Variants in PLCB4 observed in about 807,000 individuals in gnomAD.
The protein encoded by PLCB4 is 1-phosphatidylinositol 4,5-bisphosphate phosphodiesterase beta-4.
In PLCB4, 77 loss-of-function variants were observed where a neutral mutation model predicts 178.8. The observed-to-expected ratio is 0.43, with a 90% CI of 0.36 to 0.52. PLCB4 has a LOEUF of 0.52. PLCB4 is among the 20% of genes least tolerant of loss of function. The probability of loss-of-function intolerance (pLI) is 0.00; values close to 1 mark genes in which losing one functional copy is unlikely to be tolerated. For missense variants in PLCB4, 1,024 were observed against 1,453.4 expected (o/e 0.70, Z 4.80); for synonymous variants, 496 against 490.8 (o/e 1.01, Z -0.14).
At position 9,444,200 on chromosome 20, in the gene PLCB4, A is replaced by G; in HGVS notation, c.2837A>G (p.Lys946Arg). 1 of 1,605,240 alleles carries G rather than the reference A, an allele frequency of 6.2e-7. No homozygotes were observed. The highest frequency in any genetic ancestry group is 8.5e-7 in the Non-Finnish European group (1 of 1,172,854). ...AAGGCTTACTTGAAGCATTTAAAGAAACAGCAGAAGGAGCTAAATTCTTTA... is the reference window on the plus strand; with the variant it reads ...AAGGCTTACTTGAAGCATTTAAAGAGACAGCAGAAGGAGCTAAATTCTTTA... ...QMKAYLKHLK[K>R]QQKELNSLKK... Residue 946 changes from lysine (K) to arginine (R), a missense_variant, in exon 32 of 40, where the codon AAA becomes AGA. Lys to Arg is a conservative substitution (Grantham distance 26). Around this residue, in one of 7 missense-constraint regions of PLCB4, gnomAD observed 227 missense variants for 374.3 expected, o/e 0.61. Transcript: ENST00000378473.
At chr20:9,279,631 TTCA>T (rs1339212007) in intron 3 of PLCB4, among the ~76,000 whole-genome samples, 1 of 152,006 alleles carries the variant, frequency 6.6e-6, no homozygotes, top group East Asian at 1.9e-4. Context: ...TTCCAAAGAG[TTCA>T]TCATCATTTT....
intron 3 of PLCB4, among the ~76,000 whole-genome samples, chr20:9,223,188 G>A (rs1460582790): frequency 6.6e-6 from 1 of 151,886 alleles, no homozygotes; most frequent in Non-Finnish European, 1.5e-5. Flanking sequence ...GAAAAGTTTG[G>A]GTATAATACT....
intron 8 of PLCB4, among the ~76,000 whole-genome samples, chr20:9,364,414 A>G (rs1602124325): frequency 6.6e-6 from 1 of 152,110 alleles, no homozygotes; most frequent in Non-Finnish European, 1.5e-5. Flanking sequence ...AGACCTGTCC[A>G]CTTCTTCAGA....
At chr20:9,236,486 G>T (rs1442357548) in intron 3 of PLCB4, among the ~76,000 whole-genome samples, 1 of 152,148 alleles carries the variant, frequency 6.6e-6, no homozygotes, top group East Asian at 1.9e-4. Flanking sequence ...TTCATATCAA[G>T]AGTCCTGCAG....
At chr20:9,476,617 T>A in intron 38 of PLCB4, 100 bp from the exon 39 acceptor site, 1 of 828,864 alleles carries the variant, frequency 1.2e-6, no homozygotes, top group East Asian at 2.6e-5. Context: ...TTTCTGTATA[T>A]GGTTTTGCAT....
At chr20:9,449,061 C>CA (rs1261222581) in intron 32 of PLCB4, among the ~76,000 whole-genome samples, 27 of 152,124 alleles carry the variant, frequency 1.8e-4, no homozygotes, top group African/African-American at 6.5e-4. Flanking sequence ...AATGTACTGG[C>CA]AATCAAACTT....
At chr20:9,121,741 T>G (rs938629829) in intron 2 of PLCB4, among the ~76,000 whole-genome samples, 1 of 152,178 alleles carries the variant, frequency 6.6e-6, no homozygotes, top group East Asian at 1.9e-4. Flanking sequence ...CTGACAAATA[T>G]GGGTAAAGGA....
rs2037384128 is a variant in PLCB4, at chr20:9,384,184, T to A, written c.854-17T>A. On this transcript the variant is annotated splice_polypyrimidine_tract_variant and intron_variant, in intron 13 of 39. Coordinates refer to ENST00000378473, the MANE Select transcript of PLCB4 (RefSeq NM_001377142.1). ...TTCAGAGCTACAAGTGCTACTAAGATGTTCTTTTTCCCCTAGGCCTTATAT... is the reference window on the plus strand; with the variant it reads ...TTCAGAGCTACAAGTGCTACTAAGAAGTTCTTTTTCCCCTAGGCCTTATAT... 6.3e-7 allele frequency: 1 copy of A among 1,579,068 alleles called. No homozygotes were observed. Among genetic ancestry groups the A allele is most frequent in the African/African-American group, 1.3e-5 (1 of 74,230 alleles).
At chr20:9,366,574 A>G (rs562195939) in intron 9 of PLCB4, among the ~76,000 whole-genome samples, 14 of 152,186 alleles carry the variant, frequency 9.2e-5, no homozygotes, top group Non-Finnish European at 1.9e-4. Context: ...GGGTTTACAC[A>G]TGGTCTCTGG....
chr20:9,155,295 G>A (rs1039852685), intron 2 of PLCB4, among the ~76,000 whole-genome samples: 24 of 151,996 alleles, frequency 1.6e-4, no homozygotes, highest in Admixed American at 3.9e-4. Context: ...CCTTTTAATG[G>A]CTGAATAGTA....
chr20:9,276,127 A>G (rs1259864029), intron 3 of PLCB4, among the ~76,000 whole-genome samples: 2 of 152,090 alleles, frequency 1.3e-5, no homozygotes, highest in Non-Finnish European at 2.9e-5. Flanking sequence ...AATGGCTTGA[A>G]AATATTTATC....
At chr20:9,103,334 A>G (rs2091247954) in intron 2 of PLCB4, among the ~76,000 whole-genome samples, 1 of 152,198 alleles carries the variant, frequency 6.6e-6, no homozygotes, top group African/African-American at 2.4e-5. Flanking sequence ...ACTTATTTTA[A>G]ATAACAGTGA....
intron 5 of PLCB4, among the ~76,000 whole-genome samples, chr20:9,337,724 G>A (rs1477610367): frequency 6.6e-6 from 1 of 151,836 alleles, no homozygotes; most frequent in Non-Finnish European, 1.5e-5. Flanking sequence ...TATTAACAAT[G>A]TTTTATATAT....
At chr20:9,272,137 C>A (rs1403237957) in intron 3 of PLCB4, among the ~76,000 whole-genome samples, 3 of 151,406 alleles carry the variant, frequency 2.0e-5, no homozygotes, top group Non-Finnish European at 4.4e-5. Context: ...ATGAACATGC[C>A]ATTGTACTCC....
rs2040817568 is a variant in PLCB4 at position 9,423,864 on chromosome 20, C to T, written c.2436C>T (p.Ser812=). The part of the protein sequence containing the change: ...DGLQAGYRHI[S]LRNEGNKPLS... ...TCCAAGCCGGATATCGACACATTTC[C>T]CTTCGAAATGAGGGAAATAAACCAT... Residue 812 remains serine (S), a synonymous_variant, in exon 28 of 40, where the codon TCC becomes TCT. Coordinates refer to ENST00000378473, the MANE Select transcript of PLCB4 (RefSeq NM_001377142.1). 2 of 1,613,654 alleles carry T rather than the reference C, an allele frequency of 1.2e-6. No individual in the cohort carries two copies. Among genetic ancestry groups the T allele is most frequent in the Non-Finnish European group, 1.7e-6 (2 of 1,179,594 alleles).
In PLCB4 at chr20:9,385,045, C is replaced by A. The variant is rs1433610043; in HGVS notation, c.1064+634C>A. On this transcript the variant is annotated intron_variant, in intron 14 of 39. Coordinates refer to ENST00000378473, the MANE Select transcript of PLCB4 (RefSeq NM_001377142.1). ...ATGCTGCCTTCTAGCATCTGTTTAA[C>A]AAAGCACATCTTGTACCGCCCTTAA... Among the ~76,000 whole-genome samples the A allele has an allele frequency of 3.9e-5, 6 of 152,176 alleles. No homozygotes were observed. The East Asian group carries it at 9.6e-4, about 24-fold the overall frequency.
intron 1 of PLCB4, among the ~76,000 whole-genome samples, chr20:9,095,224 CTGAAG>C (rs1285417336): frequency 2.0e-5 from 3 of 152,138 alleles, no homozygotes; most frequent in Admixed American, 2.0e-4. Context: ...GATTTTTATT[CTGAAG>C]TGAAGCAAAC....
At chr20:9,373,953 C>CA (rs1270480554) in intron 12 of PLCB4, among the ~76,000 whole-genome samples, 1 of 152,020 alleles carries the variant, frequency 6.6e-6, no homozygotes, top group Admixed American at 6.6e-5. Context: ...GAAGGATGGA[C>CA]AGTATGCTTT....
chr20:9,444,168 T>C lies in PLCB4; in HGVS notation c.2815-10T>C, dbSNP rs749961505. 1 of 1,579,556 alleles carries C rather than the reference T, an allele frequency of 6.3e-7. No homozygotes were observed. Among genetic ancestry groups the C allele is most frequent in the South Asian group, 1.1e-5 (1 of 87,040 alleles). ...AAAAACCTATTTTTGATTCTATTTT[T>C]CTCCCAAAGGCTTACTTGAAGCATT... On this transcript the variant is annotated splice_polypyrimidine_tract_variant and intron_variant, in intron 31 of 39. Coordinates refer to ENST00000378473, the MANE Select transcript of PLCB4 (RefSeq NM_001377142.1).
Sources: gnomAD v4.1 joint callset for allele counts (sites outside exome capture counted in the v4.1 genomes callset) on GRCh38, gnomAD v4.1.1 for gene constraint, gnomAD v4.1.1 regional missense constraint, MANE v1.5 for transcripts, NCBI Gene and HGNC (gene_info 2026-07-23, HGNC 2026-07-21) for gene names.